STAB1: variants seen among roughly 807,000 people sequenced by gnomAD.
STAB1 encodes the protein stabilin 1, also known as stabilin-1.
STAB1 carries 250 observed loss-of-function variants against 332.4 expected under a neutral mutation model. The ratio of observed to expected loss-of-function variants is 0.75; its 90% CI spans 0.68 to 0.84. The LOEUF (loss-of-function observed/expected upper bound fraction) is 0.84. STAB1 is among the 40% of genes least tolerant of loss of function. The pLI is 0.00. For missense variants in STAB1, 3,249 were observed against 3,489.7 expected (o/e 0.93, Z 1.74); for synonymous variants, 1,475 against 1,390.4 (o/e 1.06, Z -1.35).
chr3:52,495,634 G>A (rs1049043956), intron 1 of STAB1, 143 bp downstream of exon 1: 12 of 758,702 alleles, frequency 1.6e-5, no homozygotes, highest in Admixed American at 4.3e-5. Flanking sequence ...CAGGCCTGGG[G>A]GCTGGCTATT....
intron 58 of STAB1, 41 bp from the exon 59 acceptor site, chr3:52,521,996 C>T (rs575945847): frequency 6.2e-7 from 1 of 1,609,672 alleles, no homozygotes; most frequent in Admixed American, 1.7e-5. Context: ...CCCCCACTCC[C>T]CTGCAGTCAC....
At chr3:52,501,947 T>A (rs1708479035) in intron 3 of STAB1, 59 bp from the exon 4 acceptor site, 1 of 1,598,032 alleles carries the variant, frequency 6.3e-7, no homozygotes, top group Non-Finnish European at 8.5e-7. Flanking sequence ...CCAGAGCTGC[T>A]GGGGTCAGGG....
At chr3:52,518,894 C>T (rs1461338130) in intron 48 of STAB1, 25 bp downstream of exon 48, 6 of 1,498,988 alleles carry the variant, frequency 4.0e-6, no homozygotes, top group Non-Finnish European at 5.3e-6. Context: ...TGGCCTGCCC[C>T]GCTCCATCCC....
At position 52,505,924 on chromosome 3, in the gene STAB1, C is replaced by T. The variant is rs776439515; in HGVS notation, c.1737C>T (p.Tyr579=). 6.2e-7 allele frequency: 1 copy of T among 1,613,768 alleles called. No individual in the cohort carries two copies. Among genetic ancestry groups the T allele is most frequent in the Admixed American group, 1.7e-5 (1 of 60,024 alleles). Residue 579 remains tyrosine, a synonymous_variant, in exon 16 of 69, where the codon TAC becomes TAT. Transcript: ENST00000321725. The part of the protein sequence containing the change: ...KLQELVRYHI[Y]NHGQLTVEKL... ...AGGAGTTGGTGCGGTACCACATCTA[C>T]AACCACGGCCAGGTGCGAGGTCTTT...
chr3:52,502,989 C>T lies in STAB1; in HGVS notation c.584-10C>T. The T allele has an allele frequency of 6.4e-7, 1 of 1,551,952 alleles. No homozygotes were observed. Among genetic ancestry groups the T allele is most frequent in the Non-Finnish European group, 8.7e-7 (1 of 1,148,504 alleles). On this transcript the variant is annotated splice_polypyrimidine_tract_variant and intron_variant, in intron 6 of 68. Transcript: ENST00000321725. ...CTTGGGCTCATCAGTGCTCTCTCCA[C>T]TCTGCGCAGAGCTGCCCGTCTGCCA...
chr3:52,506,310 G>A (rs906862292), intron 17 of STAB1, 60 bp downstream of exon 17: 24 of 1,470,200 alleles, frequency 1.6e-5, no homozygotes, highest in Non-Finnish European at 2.2e-5. Context: ...TGCCCACTTG[G>A]CCTCTCAGCC....
chr3:52,517,767 G>C (rs2078923119), intron 44 of STAB1, 114 bp from the exon 45 acceptor site: 7 of 1,578,520 alleles, frequency 4.4e-6, no homozygotes, highest in Non-Finnish European at 6.0e-6. Flanking sequence ...TTAATCAGTA[G>C]CAAATAGGAT....
Position 52,513,132 on chromosome 3 carries a change from C to T in STAB1, c.3161C>T (p.Ala1054Val), listed in dbSNP as rs769909995. The change falls in exon 30 of 69, where the codon GCC becomes GTC. Residue 1054 changes from alanine to valine, a missense_variant and splice_region_variant. Coordinates refer to ENST00000321725, the MANE Select transcript of STAB1 (RefSeq NM_015136.3). ...QPRTLPNLVR[A>V]HFLQGALFEE... ...CCCCCTAAACTGTGCCCTGTCAGGG[C>T]CCATTTTCTCCAGGGTGCCCTCTTC... 2 of 1,565,044 alleles carry T rather than the reference C, an allele frequency of 1.3e-6. No homozygotes were observed. Among genetic ancestry groups the T allele is most frequent in the Admixed American group, 1.9e-5 (1 of 52,214 alleles).
chr3:52,512,366 G>C lies in STAB1; in HGVS notation c.2909G>C (p.Gly970Ala), dbSNP rs1433640095. ...GCCACCTGCCGGGCAGTGGGGGGAGGTCAGCGGGTCTGCACGTGCCCCCCT... is the reference window on the plus strand; with the variant it reads ...GCCACCTGCCGGGCAGTGGGGGGAGCTCAGCGGGTCTGCACGTGCCCCCCT... Reference protein sequence around the residue: ...GLATCRAVGGGQRVCTCPPGF... With the variant: ...GLATCRAVGGAQRVCTCPPGF... The change falls in exon 27 of 69, where the codon GGT becomes GCT. Residue 970 changes from glycine (G) to alanine (A), a missense_variant. By Grantham distance (60) the Gly-to-Ala change is moderately conservative (BLOSUM62 0). Transcript: ENST00000321725. 1 of 1,612,562 alleles carries C rather than the reference G, an allele frequency of 6.2e-7. No individual in the cohort carries two copies. The highest frequency in any genetic ancestry group is 1.7e-5 in the Admixed American group (1 of 59,674).
chr3:52,518,906 C>CCCCGCCCCCCCCCGT (rs1553678765), intron 48 of STAB1, 37 bp downstream of exon 48: 6 of 1,439,294 alleles, frequency 4.2e-6, no homozygotes, highest in African/African-American at 1.6e-5. Context: ...CTCCATCCCG[C>CCCCGCCCCCCCCCGT]CCCGCCCCGC....
At chr3:52,499,163 C>T (rs1708253285) in intron 1 of STAB1, among the ~76,000 whole-genome samples, 1 of 152,254 alleles carries the variant, frequency 6.6e-6, no homozygotes, top group South Asian at 2.1e-4. Flanking sequence ...TTCTCTGGGC[C>T]ATGCCCAAAG....
In STAB1 at chr3:52,504,464, A is replaced by G; in HGVS notation, c.1154A>G (p.Gln385Arg). ...GCTCCCTCACCCTGCCCCCCAGACC[A>G]GGGCTGCCGGGAAATCCTTACCACA... ...QLRVAVAMMD[Q>R]GCREILTTAG... Residue 385 changes from glutamine to arginine, a missense_variant, in exon 11 of 69, where the codon CAG (glutamine) becomes CGG (arginine). Coordinates refer to ENST00000321725, the MANE Select transcript of STAB1 (RefSeq NM_015136.3). 6.2e-7 allele frequency: 1 copy of G among 1,613,526 alleles called. No homozygotes were observed. Among genetic ancestry groups the G allele is most frequent in the Non-Finnish European group, 8.5e-7 (1 of 1,179,872 alleles).
At position 52,519,488 on chromosome 3, in the gene STAB1, T is replaced by TGA; in HGVS notation, c.5176-13_5176-12dup. ...CCTTCCCGCCTGGCCTAGCTGTTTA[T>TGA]GAGAGCCTTTCCTCAGAGAAATGTC... On this transcript the variant is annotated splice_polypyrimidine_tract_variant and intron_variant, in intron 49 of 68. Transcript: ENST00000321725. 1 of 1,613,212 alleles carries TGA rather than the reference T, an allele frequency of 6.2e-7. No individual in the cohort carries two copies. The highest frequency in any genetic ancestry group is 8.5e-7 in the Non-Finnish European group (1 of 1,179,970).
Position 52,507,847 on chromosome 3 carries a change from A to G in STAB1, c.2053-84A>G, listed in dbSNP as rs1013509321. ...GGTTAGAGTTCTGGACCCAGGGGGC[A>G]GAGGTCCCTTAACCAGGGCTGCCTA... On this transcript the variant is annotated intron_variant, in intron 19 of 68. Transcript: ENST00000321725. 62 of 1,477,958 alleles carry G rather than the reference A, an allele frequency of 4.2e-5. 1 individual carries two copies. Among genetic ancestry groups the G allele is most frequent in the South Asian group, 1.5e-4 (13 of 84,274 alleles). The allele number at this position is 1,477,958 out of a possible 1,614,324, so 91.6% of individuals were successfully genotyped here.
At chr3:52,521,041 T>C (rs778231289) in intron 55 of STAB1, 36 bp downstream of exon 55, 4 of 1,499,832 alleles carry the variant, frequency 2.7e-6, no homozygotes, top group Non-Finnish European at 2.7e-6. Flanking sequence ...AGCTCCTCTG[T>C]TCCCCAAGAG....
At position 52,514,166 on chromosome 3, in the gene STAB1, G is replaced by A; in HGVS notation, c.3499G>A (p.Val1167Met). The change falls in exon 33 of 69, where the codon GTG (valine) becomes ATG (methionine). Residue 1167 changes from valine (V) to methionine (M), a missense_variant. By Grantham distance (21) the Val-to-Met change is conservative. Transcript: ENST00000321725. The part of the protein sequence containing the change: ...IEAATAYTIF[V>M]PTNRSLEAQG... ...GGCTGCCACTGCCTACACCATCTTT[G>A]TGCCCACCAACCGCTCCCTGGAGGC... The A allele has an allele frequency of 6.2e-7, 1 of 1,613,390 alleles. No individual in the cohort carries two copies. Among genetic ancestry groups the A allele is most frequent in the South Asian group, 1.1e-5 (1 of 91,086 alleles).
At position 52,506,718 on chromosome 3, in the gene STAB1, G is replaced by T. The variant is rs1316558950; in HGVS notation, c.1857G>T (p.Gly619=). 2.5e-6 allele frequency: 4 copies of T among 1,612,174 alleles called. No individual in the cohort carries two copies. Among genetic ancestry groups the T allele is most frequent in the Non-Finnish European group, 3.4e-6 (4 of 1,179,626 alleles). The change falls in exon 18 of 69, where the codon GGG becomes GGT. Residue 619 remains glycine, a synonymous_variant. Coordinates refer to ENST00000321725, the MANE Select transcript of STAB1 (RefSeq NM_015136.3). ...GGCGCATCCTGCTGGGACCCGAGGGGGTCCCGCTGCAGAGGGTAGACGTGA... is the reference window on the plus strand; with the variant it reads ...GGCGCATCCTGCTGGGACCCGAGGGTGTCCCGCTGCAGAGGGTAGACGTGA... The part of the protein sequence containing the change: ...EEGRILLGPE[G]VPLQRVDVMA...
At chr3:52,508,628 C>G in intron 21 of STAB1, 5 of 420,630 alleles carry the variant, frequency 1.2e-5, no homozygotes, top group South Asian at 1.0e-4. Context: ...TCAAGACCAG[C>G]CTGGTCAACA....
At chr3:52,511,887 T>A in intron 26 of STAB1, 142 bp downstream of exon 26, 1 of 704,110 alleles carries the variant, frequency 1.4e-6, no homozygotes, top group South Asian at 2.0e-5. Context: ...AATCCAACCA[T>A]GTCACTCCTC....
Sources: gnomAD v4.1 joint callset for allele counts (sites outside exome capture counted in the v4.1 genomes callset) on GRCh38, gnomAD v4.1.1 for gene constraint, MANE v1.5 for transcripts, NCBI Gene and HGNC (gene_info 2026-07-23, HGNC 2026-07-21) for gene names.